The following TFEC variants were observed in gnomAD, a reference collection of about 807,000 sequenced individuals.
TFEC encodes the protein transcription factor EC.
A neutral mutation model predicts 41.6 loss-of-function variants in TFEC; 31 were observed. That is an observed-to-expected ratio of 0.74 (90% CI 0.56 to 1.01). The LOEUF is 1.01. TFEC is among the 50% of genes least tolerant of loss of function. The pLI, the probability that TFEC is intolerant of heterozygous loss-of-function variation, is 0.00. For synonymous variants in TFEC, 143 were observed against 140.6 expected (o/e 1.02, Z -0.12); for missense variants, 402 against 404.1 (o/e 0.99, Z 0.04).
chr7:116,133,102 C>T (rs373826658), intron 1 of TFEC, among the ~76,000 whole-genome samples: 4 of 152,192 alleles, frequency 2.6e-5, no homozygotes, highest in South Asian at 2.1e-4. Flanking sequence ...TTTTAAGTTG[C>T]TTATAATCTT....
chr7:116,128,045 C>G (rs189672241), intron 1 of TFEC, among the ~76,000 whole-genome samples: 1 of 152,262 alleles, frequency 6.6e-6, no homozygotes, highest in East Asian at 1.9e-4. Context: ...AAAGCAGTAA[C>G]TCAAATTACA....
At chr7:115,964,442 GC>G (rs969110315) in intron 3 of TFEC, among the ~76,000 whole-genome samples, 1 of 151,186 alleles carries the variant, frequency 6.6e-6, no homozygotes, top group African/African-American at 2.4e-5. Context: ...AAAACTATAG[GC>G]CCATTTCACT....
At position 115,974,280 on chromosome 7, in the gene TFEC, A is replaced by G. The variant is rs746733312; in HGVS notation, c.181-24T>C. 8 of 1,516,678 alleles carry G rather than the reference A, an allele frequency of 5.3e-6. No homozygotes were observed. In the East Asian group the frequency reaches 1.9e-4, roughly 36 times the overall value. The allele number at this position is 1,516,678 out of a possible 1,614,324, so 94.0% of individuals were successfully genotyped here. A position where few individuals can be genotyped will look rare whatever the true frequency, so the allele number is the denominator to read the frequency against. ...ATCTAGCAAAATATAATACATTTAG[A>G]ATATTGTACATAATGATAAAAGTTG... On this transcript the variant is annotated intron_variant, in intron 2 of 7. Coordinates refer to ENST00000265440, the MANE Select transcript of TFEC (RefSeq NM_012252.4).
chr7:115,985,238 C>T (rs1562912312), intron 1 of TFEC, among the ~76,000 whole-genome samples: 1 of 152,036 alleles, frequency 6.6e-6, no homozygotes, highest in African/African-American at 2.4e-5. Flanking sequence ...TGCCAAAATC[C>T]CTTTTTCAAA....
intron 3 of TFEC, among the ~76,000 whole-genome samples, chr7:116,095,838 C>A (rs187308808): frequency 6.6e-6 from 1 of 151,940 alleles, no homozygotes; most frequent in East Asian, 1.9e-4. Flanking sequence ...TTTTTCTCAT[C>A]CACTACTCTC....
intron 1 of TFEC, among the ~76,000 whole-genome samples, chr7:116,023,089 A>C (rs1216246255): frequency 6.6e-6 from 1 of 152,102 alleles, no homozygotes; most frequent in Non-Finnish European, 1.5e-5. Context: ...CCAGCAAAAA[A>C]AAAAAAAAGA....
At chr7:116,053,004 G>A (rs1390344935) in intron 3 of TFEC, among the ~76,000 whole-genome samples, 3 of 151,826 alleles carry the variant, frequency 2.0e-5, no homozygotes, top group Non-Finnish European at 2.9e-5. Flanking sequence ...CCTGGGAGGC[G>A]GAGCTTGCAG....
In TFEC at chr7:115,940,660, G is replaced by T; in HGVS notation, c.935C>A (p.Thr312Lys). The stretch of plus-strand genomic sequence containing the variant: ...AGGATCTGTTCCAAATGGAGAGATT[G>T]TGTCATCCAATAGCATGCCATCCAA... ...QRLDGMLLDDTISPFGTDPLL... is the reference protein window; with the variant it reads ...QRLDGMLLDDKISPFGTDPLL... Residue 312 changes from threonine (T) to lysine (K), a missense_variant, in exon 8 of 8, where the codon ACA becomes AAA. Thr to Lys is a moderately conservative substitution (Grantham distance 78, BLOSUM62 -1). Coordinates refer to ENST00000265440, the MANE Select transcript of TFEC (RefSeq NM_012252.4). 1.2e-6 allele frequency: 2 copies of T among 1,613,578 alleles called. No individual in the cohort carries two copies. The highest frequency in any genetic ancestry group is 1.7e-6 in the Non-Finnish European group (2 of 1,179,654).
intron 3 of TFEC, among the ~76,000 whole-genome samples, chr7:116,101,510 C>T (rs932796393): frequency 9.9e-5 from 15 of 152,108 alleles, no homozygotes; most frequent in African/African-American, 3.6e-4. Flanking sequence ...GTTACTTTTA[C>T]ACTTTACACA....
chr7:116,046,860 G>A (rs1462359283), intron 3 of TFEC, among the ~76,000 whole-genome samples: 1 of 152,126 alleles, frequency 6.6e-6, no homozygotes, highest in East Asian at 1.9e-4. Flanking sequence ...TATGATAAAT[G>A]ATTCCCATAT....
rs1236269584 is a variant in TFEC at position 115,993,660 on chromosome 7, G to C, written c.-72-9147C>G. Among the ~76,000 whole-genome samples the C allele has an allele frequency of 4.6e-5, 7 of 152,256 alleles. No homozygotes were observed. The South Asian group carries it at 6.2e-4, about 14-fold the overall frequency. ...GAATCCAACTTACAAGTGTTGCGAA[G>C]GACCTCTTCAAGGAGAACTACAAAC... On this transcript the variant is annotated intron_variant, in intron 1 of 7. Transcript: ENST00000265440.
At chr7:116,040,759 T>A (rs559276265) in intron 3 of TFEC, among the ~76,000 whole-genome samples, 2 of 152,160 alleles carry the variant, frequency 1.3e-5, no homozygotes, top group Non-Finnish European at 2.9e-5. Flanking sequence ...CCCAGCCCCA[T>A]CTCTGCCATT....
intron 1 of TFEC, among the ~76,000 whole-genome samples, chr7:116,126,622 T>A (rs1227651545): frequency 1.3e-5 from 2 of 152,082 alleles, no homozygotes; most frequent in African/African-American, 4.8e-5. Flanking sequence ...TGACTTTTAG[T>A]ATATAATTAT....
intron 1 of TFEC, among the ~76,000 whole-genome samples, chr7:116,002,442 C>T (rs982949487): frequency 1.3e-5 from 2 of 152,158 alleles, no homozygotes; most frequent in Non-Finnish European, 2.9e-5. Context: ...ACAATCTTCA[C>T]ATGTTCTCAT....
rs576159638 is a variant in TFEC, at chr7:116,103,382, T to A, written c.198+7326A>T. Among the ~76,000 whole-genome samples, 25 of 152,310 alleles carry A rather than the reference T, an allele frequency of 1.6e-4. 1 individual carries two copies. In the South Asian group the frequency reaches 5.2e-3, roughly 32 times the overall value. ...TACACAGGATTCAGAGCAGTCAGAATGGACAGGTCTCAAAAAAGTTGTGAA... is the reference window on the plus strand; with the variant it reads ...TACACAGGATTCAGAGCAGTCAGAAAGGACAGGTCTCAAAAAAGTTGTGAA... On this transcript the variant is annotated intron_variant, in intron 3 of 8. Transcript: ENST00000484212.
At chr7:116,045,059 T>C (rs1019289517) in intron 3 of TFEC, among the ~76,000 whole-genome samples, 5 of 152,004 alleles carry the variant, frequency 3.3e-5, no homozygotes, top group African/African-American at 7.2e-5. Flanking sequence ...TACCCGAAAA[T>C]GTGGAAGCGA....
At chr7:116,109,377 G>GA (rs1307989796) in intron 3 of TFEC, among the ~76,000 whole-genome samples, 4 of 151,920 alleles carry the variant, frequency 2.6e-5, no homozygotes, top group African/African-American at 9.7e-5. Flanking sequence ...AAATTTACAA[G>GA]AAAAAAACAA....
At chr7:116,123,259 C>T (rs959403310) in intron 1 of TFEC, among the ~76,000 whole-genome samples, 2 of 152,060 alleles carry the variant, frequency 1.3e-5, no homozygotes, top group African/African-American at 4.8e-5. Context: ...GTTGCAAGAA[C>T]GTAAGGTAAC....
chr7:116,020,613 C>T (rs991418877), intron 1 of TFEC, among the ~76,000 whole-genome samples: 5 of 152,056 alleles, frequency 3.3e-5, no homozygotes, highest in African/African-American at 1.2e-4. Context: ...AACATGTTTC[C>T]TTTCCTTGTC....
Sources: allele counts gnomAD v4.1 joint callset (sites outside exome capture counted in the v4.1 genomes callset), GRCh38; gene constraint gnomAD v4.1.1; transcripts MANE v1.5; gene names NCBI Gene and HGNC (gene_info 2026-07-23, HGNC 2026-07-21).